ST6GALNAC3: variants seen among roughly 807,000 people sequenced by gnomAD.
ST6GALNAC3 encodes alpha-N-acetylgalactosaminide alpha-2,6-sialyltransferase 3.
Under a neutral mutation model 32.7 loss-of-function variants are expected in ST6GALNAC3, and 25 were observed. That is an observed-to-expected ratio of 0.76 (90% CI 0.56 to 1.07). The LOEUF is 1.07. ST6GALNAC3 is among the 50% of genes least tolerant of loss of function. ST6GALNAC3 has a pLI of 0.00. For missense variants in ST6GALNAC3, 355 were observed against 382.4 expected (o/e 0.93, Z 0.60); for synonymous variants, 129 against 133.1 (o/e 0.97, Z 0.21).
At position 76,253,958 on chromosome 1, in the gene ST6GALNAC3, G is replaced by A. The variant is rs527355831; in HGVS notation, c.19-59847G>A. Reference sequence around the variant, plus strand: ...CTCAAAGCTCCTCAATGGCCAATCAGCAGTGAAGAGGGAAATGGTGGTAAA... The same window carrying A: ...CTCAAAGCTCCTCAATGGCCAATCAACAGTGAAGAGGGAAATGGTGGTAAA... On this transcript the variant is annotated intron_variant, in intron 1 of 4. Coordinates refer to ENST00000328299, the MANE Select transcript of ST6GALNAC3 (RefSeq NM_152996.4). Among the ~76,000 whole-genome samples, 11 of 152,286 alleles carry A rather than the reference G, an allele frequency of 7.2e-5. No individual in the cohort carries two copies. In the South Asian group the frequency reaches 2.3e-3, roughly 32 times the overall value.
At chr1:76,478,041 G>C (rs369014486) in intron 3 of ST6GALNAC3, among the ~76,000 whole-genome samples, 41 of 152,288 alleles carry the variant, frequency 2.7e-4, no homozygotes, top group African/African-American at 9.9e-4. Flanking sequence ...CTGGTGAGAA[G>C]GGAGCTGTGA....
intron 2 of ST6GALNAC3, among the ~76,000 whole-genome samples, chr1:76,406,481 A>G (rs556344933): frequency 3.5e-4 from 54 of 152,204 alleles, no homozygotes; most frequent in African/African-American, 1.3e-3. Context: ...AAAATTGGTC[A>G]TGATTAGTTT....
chr1:76,280,355 A>G (rs1159546274), intron 1 of ST6GALNAC3, among the ~76,000 whole-genome samples: 3 of 152,208 alleles, frequency 2.0e-5, no homozygotes, highest in East Asian at 1.9e-4. Context: ...TTACTCTCCA[A>G]TGTCTCTCTT....
intron 2 of ST6GALNAC3, among the ~76,000 whole-genome samples, chr1:76,336,252 A>G (rs1044637494): frequency 1.3e-5 from 2 of 152,172 alleles, no homozygotes; most frequent in Non-Finnish European, 2.9e-5. Flanking sequence ...GCATTATTTC[A>G]ATTATTTGTT....
intron 3 of ST6GALNAC3, among the ~76,000 whole-genome samples, chr1:76,589,274 T>A (rs1397839806): frequency 1.3e-5 from 2 of 152,188 alleles, no homozygotes; most frequent in Admixed American, 1.3e-4. Context: ...CTATTTCACA[T>A]GACAAGTACT....
intron 1 of ST6GALNAC3, among the ~76,000 whole-genome samples, chr1:76,239,036 T>C (rs543448026): frequency 6.6e-6 from 1 of 151,590 alleles, no homozygotes; most frequent in Non-Finnish European, 1.5e-5. Flanking sequence ...CTGGGCTCCA[T>C]TGGCATAGAA....
At chr1:76,193,099 T>C (rs930294633) in intron 1 of ST6GALNAC3, among the ~76,000 whole-genome samples, 1 of 152,192 alleles carries the variant, frequency 6.6e-6, no homozygotes, top group Non-Finnish European at 1.5e-5. Flanking sequence ...CTTCTGAGTA[T>C]AACTTAAATT....
intron 1 of ST6GALNAC3, among the ~76,000 whole-genome samples, chr1:76,259,012 A>G (rs1176214483): frequency 2.6e-5 from 4 of 152,154 alleles, no homozygotes; most frequent in African/African-American, 9.7e-5. Flanking sequence ...GAGAAGATTT[A>G]TATTCTCCCT....
chr1:76,213,996 A>G (rs1557701494), intron 1 of ST6GALNAC3, among the ~76,000 whole-genome samples: 1 of 152,208 alleles, frequency 6.6e-6, no homozygotes, highest in Non-Finnish European at 1.5e-5. Context: ...GGGATTAAAT[A>G]TAATTGAAAG....
intron 3 of ST6GALNAC3, among the ~76,000 whole-genome samples, chr1:76,577,848 T>G (rs1646834842): frequency 6.6e-6 from 1 of 152,076 alleles, no homozygotes; most frequent in African/African-American, 2.4e-5. Context: ...CCATTTTCCC[T>G]AAATTTATCT....
At chr1:76,298,615 T>A (rs1660548768) in intron 1 of ST6GALNAC3, among the ~76,000 whole-genome samples, 1 of 152,110 alleles carries the variant, frequency 6.6e-6, no homozygotes, top group Non-Finnish European at 1.5e-5. Context: ...GGGAGTGGTG[T>A]CTGGTATCCC....
At position 76,634,148 on chromosome 1, in the gene ST6GALNAC3, G is replaced by A. The variant is rs1649431008; in HGVS notation, c.*5342G>A. On this transcript the variant is annotated 3_prime_UTR_variant, in exon 5 of 5. Coordinates refer to ENST00000328299, the MANE Select transcript of ST6GALNAC3 (RefSeq NM_152996.4). ...CACAGATACATCTCTTTTTGTTCAC[G>A]CCTTGAAGACTTCAGAAAAATAGAA... 4 of 983,304 alleles carry A rather than the reference G, an allele frequency of 4.1e-6. No individual in the cohort carries two copies. The highest frequency in any genetic ancestry group is 4.7e-5 in the South Asian group (1 of 21,240). 60.9% of individuals were successfully genotyped at this position (983,304 alleles called of 1,614,324 possible).
intron 1 of ST6GALNAC3, among the ~76,000 whole-genome samples, chr1:76,294,518 A>G (rs1660280495): frequency 6.6e-6 from 1 of 152,114 alleles, no homozygotes; most frequent in Non-Finnish European, 1.5e-5. Context: ...AGAAAGAGAG[A>G]GAATTAGATT....
chr1:76,203,370 CAATTTA>C (rs1440137211), intron 1 of ST6GALNAC3, among the ~76,000 whole-genome samples: 1 of 152,130 alleles, frequency 6.6e-6, no homozygotes, highest in Non-Finnish European at 1.5e-5. Flanking sequence ...TACTTAACAT[CAATTTA>C]AATATAAATC....
At chr1:76,626,201 A>G (rs908450459) in intron 3 of ST6GALNAC3, among the ~76,000 whole-genome samples, 4 of 151,880 alleles carry the variant, frequency 2.6e-5, no homozygotes, top group Admixed American at 1.3e-4. Flanking sequence ...GGGAGCAAGT[A>G]CTGGCTGGAG....
chr1:76,126,885 C>T (rs923046213), intron 1 of ST6GALNAC3, among the ~76,000 whole-genome samples: 2 of 152,222 alleles, frequency 1.3e-5, no homozygotes, highest in Non-Finnish European at 2.9e-5. Context: ...ACACCTCCCA[C>T]CAGGGTCGTT....
At chr1:76,297,704 G>A (rs1660485857) in intron 1 of ST6GALNAC3, among the ~76,000 whole-genome samples, 1 of 152,052 alleles carries the variant, frequency 6.6e-6, no homozygotes, top group Admixed American at 6.6e-5. Context: ...AAGATCAGAG[G>A]TGATATGTGT....
At chr1:76,395,070 C>T (rs1168029949) in intron 2 of ST6GALNAC3, among the ~76,000 whole-genome samples, 1 of 152,120 alleles carries the variant, frequency 6.6e-6, no homozygotes, top group Non-Finnish European at 1.5e-5. Flanking sequence ...GAGGTTGCTA[C>T]AATATTAAGT....
rs140044598 is a variant in ST6GALNAC3 at position 76,099,055 on chromosome 1, C to T, written c.18+24171C>T. On this transcript the variant is annotated intron_variant, in intron 1 of 4. Coordinates refer to ENST00000328299, the MANE Select transcript of ST6GALNAC3 (RefSeq NM_152996.4). ...TTTCGCTACTGCTTGGCAGAGACAC[C>T]GAAATGTTCATATGTTTGAGTCTTT... is the stretch of plus-strand genomic sequence containing the variant. Among the ~76,000 whole-genome samples, 10 of 152,134 alleles carry T rather than the reference C, an allele frequency of 6.6e-5. No individual in the cohort carries two copies. The East Asian group carries it at 1.2e-3, about 18-fold the overall frequency.
Sources: allele counts gnomAD v4.1 joint callset (sites outside exome capture counted in the v4.1 genomes callset), GRCh38; gene constraint gnomAD v4.1.1; transcripts MANE v1.5; gene names NCBI Gene and HGNC (gene_info 2026-07-23, HGNC 2026-07-21).